The following UBE2E2 variants were observed in gnomAD, a reference collection of about 807,000 sequenced individuals.
UBE2E2 encodes the protein ubiquitin-conjugating enzyme E2 E2.
UBE2E2 carries 6 observed loss-of-function variants against 24.7 expected under a neutral mutation model. The ratio of observed to expected loss-of-function variants is 0.24; its 90% confidence interval spans 0.13 to 0.48. The LOEUF (loss-of-function observed/expected upper bound fraction) is 0.48. Ranked by LOEUF, UBE2E2 falls within the 20% of genes least tolerant of loss-of-function variation. The pLI, the probability that UBE2E2 is intolerant of heterozygous loss-of-function variation, is 0.99. For synonymous variants in UBE2E2, 104 were observed against 83.6 expected (o/e 1.24, Z -1.33); for missense variants, 169 against 245.0 (o/e 0.69, Z 2.07).
intron 3 of UBE2E2, among the ~76,000 whole-genome samples, chr3:23,401,424 C>T (rs1196584601): frequency 1.3e-5 from 2 of 152,120 alleles, no homozygotes; most frequent in Non-Finnish European, 2.9e-5. Context: ...TGTTGTCACC[C>T]CCACGATTCA....
At chr3:23,495,701 T>C (rs1172337258) in intron 3 of UBE2E2, among the ~76,000 whole-genome samples, 2 of 152,306 alleles carry the variant, frequency 1.3e-5, no homozygotes, top group Non-Finnish European at 2.9e-5. Context: ...TCTGAGTGAG[T>C]GAGCTTGTCT....
At chr3:23,570,333 G>A (rs1457695172) in intron 5 of UBE2E2, among the ~76,000 whole-genome samples, 1 of 152,030 alleles carries the variant, frequency 6.6e-6, no homozygotes, top group Non-Finnish European at 1.5e-5. Context: ...TGGGTAACTG[G>A]GAGAGTTCAC....
chr3:23,440,577 G>A (rs1698283024), intron 3 of UBE2E2, among the ~76,000 whole-genome samples: 2 of 152,122 alleles, frequency 1.3e-5, no homozygotes, highest in Non-Finnish European at 2.9e-5. Context: ...GAAAGGAAGT[G>A]GTCAGATCAT....
intron 3 of UBE2E2, among the ~76,000 whole-genome samples, chr3:23,363,809 A>G (rs570472617): frequency 6.6e-6 from 1 of 152,092 alleles, no homozygotes; most frequent in Non-Finnish European, 1.5e-5. Context: ...GTAGACATCT[A>G]CAGAACTCTC....
At chr3:23,322,252 C>T (rs1386007657) in intron 3 of UBE2E2, among the ~76,000 whole-genome samples, 1 of 152,160 alleles carries the variant, frequency 6.6e-6, no homozygotes, top group Non-Finnish European at 1.5e-5. Flanking sequence ...ATGTAAATGT[C>T]ACCATCTGGG....
At chr3:23,387,293 C>T (rs1696825869) in intron 3 of UBE2E2, among the ~76,000 whole-genome samples, 1 of 152,082 alleles carries the variant, frequency 6.6e-6, no homozygotes, top group Non-Finnish European at 1.5e-5. Flanking sequence ...CTATTTCTTT[C>T]TTTGTATTTA....
chr3:23,392,419 T>C (rs1392209938), intron 3 of UBE2E2, among the ~76,000 whole-genome samples: 1 of 152,148 alleles, frequency 6.6e-6, no homozygotes, highest in Non-Finnish European at 1.5e-5. Flanking sequence ...TGGGTTTGCA[T>C]TCTGGCTCTT....
chr3:23,279,201 G>T (rs1030231447), intron 3 of UBE2E2, among the ~76,000 whole-genome samples: 4 of 152,128 alleles, frequency 2.6e-5, no homozygotes, highest in African/African-American at 9.7e-5. Flanking sequence ...TGGCTTAGTA[G>T]TTGAGGCGTG....
chr3:23,520,987 C>G (rs572358323), intron 4 of UBE2E2, among the ~76,000 whole-genome samples: 1 of 152,260 alleles, frequency 6.6e-6, no homozygotes, highest in East Asian at 1.9e-4. Flanking sequence ...TACTTCTACA[C>G]TTTTGTAGGC....
chr3:23,283,367 T>C (rs1698530382), intron 3 of UBE2E2, among the ~76,000 whole-genome samples: 1 of 152,198 alleles, frequency 6.6e-6, no homozygotes, highest in Non-Finnish European at 1.5e-5. Flanking sequence ...AAACTCATGC[T>C]ATTTCCTCTG....
rs1382236790 is a variant in UBE2E2, at chr3:23,590,239, C to G, written c.*408C>G. ...TTGATTTTTTTTTCTTTTATGTGAT[C>G]TTTGGGAAAACACATTCAGAATTAT... On this transcript the variant is annotated 3_prime_UTR_variant, in exon 6 of 6. Coordinates refer to ENST00000396703, the MANE Select transcript of UBE2E2 (RefSeq NM_152653.4). 6.3e-6 allele frequency: 1 copy of G among 159,964 alleles called. No homozygotes were observed. The highest frequency in any genetic ancestry group is 6.2e-5 in the Admixed American group (1 of 16,138). 9.9% of individuals were successfully genotyped at this position (159,964 alleles called of 1,614,324 possible).
At chr3:23,401,884 G>A (rs1345629662) in intron 3 of UBE2E2, among the ~76,000 whole-genome samples, 2 of 124,254 alleles carry the variant, frequency 1.6e-5, no homozygotes, top group African/African-American at 6.4e-5. Flanking sequence ...GTGAGATGGA[G>A]TCTCGCTGTG....
chr3:23,347,396 C>CTTTTT, intron 3 of UBE2E2, among the ~76,000 whole-genome samples: 1 of 152,168 alleles, frequency 6.6e-6, no homozygotes, highest in Non-Finnish European at 1.5e-5. Context: ...AGTTCATGTC[C>CTTTTT]TTTGCAGGGA....
intron 4 of UBE2E2, among the ~76,000 whole-genome samples, chr3:23,531,197 G>A (rs1695115399): frequency 6.6e-6 from 1 of 152,148 alleles, no homozygotes; most frequent in South Asian, 2.1e-4. Flanking sequence ...TAAATCTGGT[G>A]TTTGACTGGA....
intron 3 of UBE2E2, among the ~76,000 whole-genome samples, chr3:23,416,258 T>C (rs1215247543): frequency 6.6e-6 from 1 of 152,226 alleles, no homozygotes; most frequent in Non-Finnish European, 1.5e-5. Context: ...GGTGACAAAA[T>C]CTCTCAGCAT....
At chr3:23,211,052 C>G (rs1696309043) in intron 2 of UBE2E2, among the ~76,000 whole-genome samples, 1 of 152,100 alleles carries the variant, frequency 6.6e-6, no homozygotes, top group Admixed American at 6.5e-5. Context: ...ATTATGAGCA[C>G]AGAGGACCCC....
At position 23,312,077 on chromosome 3, in the gene UBE2E2, A is replaced by G. The variant is rs1216197068; in HGVS notation, c.227+94765A>G. ...TTGCCAGATCTGGTTGTTTAAAAGT[A>G]TGTAGCACCTCCCTCCTCTCTTTCT... On this transcript the variant is annotated intron_variant, in intron 3 of 5. Transcript: ENST00000396703. Among the ~76,000 whole-genome samples the G allele has an allele frequency of 3.9e-5, 6 of 152,010 alleles. No individual in the cohort carries two copies. In the South Asian group the frequency reaches 1.2e-3, roughly 32 times the overall value.
intron 3 of UBE2E2, among the ~76,000 whole-genome samples, chr3:23,408,968 G>A (rs1697434120): frequency 6.6e-6 from 1 of 152,068 alleles, no homozygotes. Flanking sequence ...TCTGTGGGAT[G>A]TTATTAAATA....
chr3:23,520,267 A>G (rs1407070555), intron 4 of UBE2E2, among the ~76,000 whole-genome samples: 1 of 152,144 alleles, frequency 6.6e-6, no homozygotes, highest in Non-Finnish European at 1.5e-5. Context: ...TTTCTTAGTA[A>G]TAATAGTACC....
Sources: allele counts gnomAD v4.1 joint callset (sites outside exome capture counted in the v4.1 genomes callset), GRCh38; gene constraint gnomAD v4.1.1; transcripts MANE v1.5; gene names NCBI Gene and HGNC (gene_info 2026-07-23, HGNC 2026-07-21).